Variants in SDC2 observed in about 807,000 individuals in gnomAD.
SDC2 encodes syndecan-2.
In SDC2, 13 loss-of-function variants were observed where a neutral mutation model predicts 22.2. The ratio of observed to expected loss-of-function variants is 0.59; its 90% CI spans 0.38 to 0.93. SDC2 has a LOEUF of 0.93. Among genes scored for constraint, SDC2 ranks in the 40% least tolerant of loss-of-function variants. The pLI, the probability that SDC2 is intolerant of heterozygous loss-of-function variation, is 0.00. For synonymous variants in SDC2, 94 were observed against 92.8 expected (o/e 1.01, Z -0.07); for missense variants, 235 against 246.8 (o/e 0.95, Z 0.32).
chr8:96,579,140 A>C (rs566212245), intron 1 of SDC2, among the ~76,000 whole-genome samples: 1 of 152,220 alleles, frequency 6.6e-6, no homozygotes, highest in African/African-American at 2.4e-5. Context: ...CCACGCTGAC[A>C]ATAAAGCATT....
At chr8:96,533,817 C>T (rs548306856) in intron 1 of SDC2, among the ~76,000 whole-genome samples, 8 of 152,256 alleles carry the variant, frequency 5.3e-5, no homozygotes, top group Non-Finnish European at 1.2e-4. Context: ...ACAGGTGGAG[C>T]TGCCTGCCAG....
chr8:96,539,153 A>G (rs909152854), intron 1 of SDC2, among the ~76,000 whole-genome samples: 4 of 152,222 alleles, frequency 2.6e-5, no homozygotes, highest in African/African-American at 9.6e-5. Context: ...AGGGCCTGAC[A>G]TTATCTTGTA....
At chr8:96,562,976 T>C (rs748080593) in intron 1 of SDC2, among the ~76,000 whole-genome samples, 20 of 152,146 alleles carry the variant, frequency 1.3e-4, no homozygotes, top group Non-Finnish European at 2.4e-4. Context: ...CTTCAGACTA[T>C]CATTTTGACG....
At chr8:96,594,425 C>T (rs1249137002) in intron 2 of SDC2, among the ~76,000 whole-genome samples, 1 of 152,120 alleles carries the variant, frequency 6.6e-6, no homozygotes. Flanking sequence ...TATTTTTTCA[C>T]AGTAACAGCA....
chr8:96,522,399 A>G (rs2130463037), intron 1 of SDC2, among the ~76,000 whole-genome samples: 1 of 152,076 alleles, frequency 6.6e-6, no homozygotes. Flanking sequence ...CTGGCTGGAG[A>G]AAAGTTAGAA....
At chr8:96,499,208 A>G (rs976902907) in intron 1 of SDC2, among the ~76,000 whole-genome samples, 1 of 152,206 alleles carries the variant, frequency 6.6e-6, no homozygotes, top group South Asian at 2.1e-4. Flanking sequence ...GCAAGCTCCA[A>G]ATACCTTTTC....
At chr8:96,595,842 C>G (rs1324651185) in intron 2 of SDC2, among the ~76,000 whole-genome samples, 1 of 152,202 alleles carries the variant, frequency 6.6e-6, no homozygotes, top group Non-Finnish European at 1.5e-5. Context: ...AAGTCCTGAA[C>G]CCACTGATCA....
chr8:96,503,276 T>TA lies in SDC2; in HGVS notation c.60+8952dup, dbSNP rs578145649. ...GTTGAAGTCTCTTACTTATAATAGT[T>TA]AAAAAAATGGAAACAACCCAAGTGT... On this transcript the variant is annotated intron_variant, in intron 1 of 4. Transcript: ENST00000302190. Among the ~76,000 whole-genome samples, 90 of 152,248 alleles carry TA rather than the reference T, an allele frequency of 5.9e-4. 1 individual carries two copies. Among genetic ancestry groups the TA allele is most frequent in the Middle Eastern group, 6.8e-3 (2 of 294 alleles).
chr8:96,535,230 G>A (rs767734048), intron 1 of SDC2, among the ~76,000 whole-genome samples: 3 of 152,036 alleles, frequency 2.0e-5, no homozygotes, highest in East Asian at 1.9e-4. Context: ...GCTGGTCTTA[G>A]ACTTCTGACA....
Position 96,593,294 on chromosome 8 carries a change from G to C in SDC2, c.61-186G>C, listed in dbSNP as rs138034984. ...GGCTTCCCTTGCAGGTTATTAGTCC[G>C]TGCTCACCTCTCAAATTGCTGTTAA... On this transcript the variant is annotated intron_variant, in intron 1 of 4. Coordinates refer to ENST00000302190, the MANE Select transcript of SDC2 (RefSeq NM_002998.4). Among the ~76,000 whole-genome samples the C allele has an allele frequency of 1.7e-3, 266 of 152,258 alleles. 1 individual carries two copies. The highest frequency in any genetic ancestry group is 6.1e-3 in the African/African-American group (255 of 41,552).
chr8:96,505,620 A>C (rs1004877730), intron 1 of SDC2, among the ~76,000 whole-genome samples: 4 of 152,192 alleles, frequency 2.6e-5, no homozygotes, highest in African/African-American at 9.6e-5. Flanking sequence ...CATTTTAAAC[A>C]CTGTTTTATA....
chr8:96,539,284 C>G (rs1226027161), intron 1 of SDC2, among the ~76,000 whole-genome samples: 4 of 152,046 alleles, frequency 2.6e-5, no homozygotes, highest in African/African-American at 9.7e-5. Flanking sequence ...AAGATGAAAC[C>G]CATCTACATG....
chr8:96,554,871 G>C (rs944897365), intron 1 of SDC2, among the ~76,000 whole-genome samples: 5 of 152,168 alleles, frequency 3.3e-5, no homozygotes, highest in Non-Finnish European at 5.9e-5. Context: ...CTTCAGCACA[G>C]GTTGCTGTAC....
rs1300565355 is a variant in SDC2, at chr8:96,551,957, A to T, written c.61-41523A>T. Reference sequence around the variant, plus strand: ...TGCTGGGGGCAGGGTATGTATCCCCATGAGTCAGGGGCTTGATTGGTAGGG... The same window carrying T: ...TGCTGGGGGCAGGGTATGTATCCCCTTGAGTCAGGGGCTTGATTGGTAGGG... On this transcript the variant is annotated intron_variant, in intron 1 of 4. Transcript: ENST00000302190. 3.9e-5 allele frequency among the ~76,000 whole-genome samples: 6 copies of T among 152,156 alleles called. No individual in the cohort carries two copies. The South Asian group carries it at 1.2e-3, about 32-fold the overall frequency.
intron 1 of SDC2, among the ~76,000 whole-genome samples, chr8:96,504,713 G>A (rs1255998976): frequency 2.6e-5 from 4 of 152,200 alleles, no homozygotes; most frequent in Middle Eastern, 3.4e-3. Context: ...CATATGTTTT[G>A]TGTTTCTCAC....
intron 3 of SDC2, among the ~76,000 whole-genome samples, chr8:96,605,696 TG>T (rs1815066908): frequency 6.6e-6 from 1 of 152,206 alleles, no homozygotes; most frequent in South Asian, 2.1e-4. Context: ...TCTTGCAATT[TG>T]GGAATGACAG....
At chr8:96,545,803 A>T (rs1433233138) in intron 1 of SDC2, among the ~76,000 whole-genome samples, 2 of 152,150 alleles carry the variant, frequency 1.3e-5, no homozygotes, top group African/African-American at 4.8e-5. Flanking sequence ...ACTTGGTGTG[A>T]TGGAATCCCT....
chr8:96,573,642 A>G (rs16894774), intron 1 of SDC2, among the ~76,000 whole-genome samples: 3,795 of 152,024 alleles, frequency 0.025, 149 homozygotes, highest in African/African-American at 0.087. Context: ...CTTTAATACC[A>G]TTGACTCTGC....
chr8:96,549,406 TATC>T (rs765422609), intron 1 of SDC2, among the ~76,000 whole-genome samples: 1 of 152,188 alleles, frequency 6.6e-6, no homozygotes, highest in Non-Finnish European at 1.5e-5. Context: ...ACAAAAGCCT[TATC>T]ATGTAGATAG....
Sources: allele counts gnomAD v4.1 joint callset (sites outside exome capture counted in the v4.1 genomes callset), GRCh38; gene constraint gnomAD v4.1.1; transcripts MANE v1.5; gene names NCBI Gene and HGNC (gene_info 2026-07-23, HGNC 2026-07-21).